The following RASGRF1 variants were observed in gnomAD, a reference collection of about 807,000 sequenced individuals.
RASGRF1 encodes the protein Ras protein specific guanine nucleotide releasing factor 1.
A neutral mutation model predicts 138.7 loss-of-function variants in RASGRF1; 40 were observed. The ratio of observed to expected loss-of-function variants is 0.29; its 90% CI spans 0.22 to 0.38. RASGRF1 has a LOEUF of 0.38. Ranked by LOEUF, RASGRF1 falls within the 10% of genes least tolerant of loss-of-function variation. The pLI is 1.00. For missense variants in RASGRF1, 1,108 were observed against 1,650.4 expected (o/e 0.67, Z 5.69); for synonymous variants, 614 against 663.2 (o/e 0.93, Z 1.14).
intron 26 of RASGRF1, among the ~76,000 whole-genome samples, chr15:78,964,196 G>T (rs1712179876): frequency 6.6e-6 from 1 of 151,492 alleles, no homozygotes; most frequent in Non-Finnish European, 1.5e-5. Context: ...TTTTTTGAGG[G>T]GGAATTTCAT....
intron 2 of RASGRF1, among the ~76,000 whole-genome samples, chr15:79,059,127 T>A (rs2057550742): frequency 6.6e-6 from 1 of 150,660 alleles, no homozygotes; most frequent in Admixed American, 6.6e-5. Context: ...TTTCCTTTCC[T>A]CTCCTTCCTC....
intron 26 of RASGRF1, among the ~76,000 whole-genome samples, chr15:78,968,569 C>T (rs1304215594): frequency 6.6e-6 from 1 of 151,956 alleles, no homozygotes; most frequent in Non-Finnish European, 1.5e-5. Context: ...CAGGCATGAG[C>T]CACTACTCCC....
At chr15:78,972,534 C>T (rs2055784669) in intron 25 of RASGRF1, among the ~76,000 whole-genome samples, 1 of 151,850 alleles carries the variant, frequency 6.6e-6, no homozygotes, top group South Asian at 2.1e-4. Flanking sequence ...CCTAACATCA[C>T]TAGAACAAAA....
chr15:79,024,060 CAT>C (rs2057008604), intron 10 of RASGRF1, among the ~76,000 whole-genome samples: 2 of 150,884 alleles, frequency 1.3e-5, no homozygotes, highest in African/African-American at 2.4e-5. Context: ...CACACATACA[CAT>C]ACACACACAT....
At chr15:79,085,629 A>G (rs1381217902) in intron 1 of RASGRF1, among the ~76,000 whole-genome samples, 1 of 152,148 alleles carries the variant, frequency 6.6e-6, no homozygotes, top group African/African-American at 2.4e-5. Flanking sequence ...AATAGCTACA[A>G]TAAGTCTCAG....
chr15:79,065,976 G>C (rs1350004739), intron 1 of RASGRF1, among the ~76,000 whole-genome samples: 1 of 151,958 alleles, frequency 6.6e-6, no homozygotes, highest in Non-Finnish European at 1.5e-5. Context: ...AGTTGTTACA[G>C]AGTCAATGTC....
chr15:79,025,623 T>C (rs2057035974), intron 9 of RASGRF1, 149 bp from the exon 10 acceptor site: 1 of 944,090 alleles, frequency 1.1e-6, no homozygotes, highest in Non-Finnish European at 1.5e-6. Flanking sequence ...GATACTCCTT[T>C]AGGCCTCTCT....
chr15:78,986,978 T>C (rs1427560147), intron 22 of RASGRF1, among the ~76,000 whole-genome samples: 1 of 152,214 alleles, frequency 6.6e-6, no homozygotes, highest in Non-Finnish European at 1.5e-5. Context: ...AAAGTTATAC[T>C]AATTTTTGAA....
At chr15:79,059,991 G>GACAC (rs941037876) in intron 2 of RASGRF1, among the ~76,000 whole-genome samples, 220 of 31,560 alleles carry the variant, frequency 7.0e-3, no homozygotes, top group South Asian at 0.046. Context: ...CAGACACACA[G>GACAC]ACACACACAC....
At chr15:79,047,257 G>T (rs189701512) in intron 4 of RASGRF1, among the ~76,000 whole-genome samples, 445 of 150,500 alleles carry the variant, frequency 3.0e-3, no homozygotes, top group African/African-American at 0.01. Context: ...CTGAAAGTGT[G>T]GTCCACAAAT....
At chr15:79,056,784 T>C (rs2141045351) in intron 3 of RASGRF1, among the ~76,000 whole-genome samples, 1 of 152,354 alleles carries the variant, frequency 6.6e-6, no homozygotes. Context: ...TTGTTGGCTT[T>C]AGATCTTTGA....
chr15:78,977,326 C>T (rs969964450), intron 24 of RASGRF1, among the ~76,000 whole-genome samples: 2 of 152,098 alleles, frequency 1.3e-5, no homozygotes, highest in African/African-American at 4.8e-5. Context: ...TCAGGGAGGG[C>T]ATGAGGGCCC....
At chr15:79,002,014 C>T (rs1429404496) in intron 15 of RASGRF1, among the ~76,000 whole-genome samples, 6 of 152,186 alleles carry the variant, frequency 3.9e-5, no homozygotes, top group African/African-American at 1.4e-4. Flanking sequence ...TCCACCAGGG[C>T]TTCTCAAACC....
intron 13 of RASGRF1, 94 bp downstream of exon 13, chr15:79,015,233 C>G: frequency 8.0e-7 from 1 of 1,256,392 alleles, no homozygotes; most frequent in South Asian, 1.3e-5. Context: ...TCTCTGAACC[C>G]CAGTAGCTGG....
intron 23 of RASGRF1, among the ~76,000 whole-genome samples, chr15:78,983,666 C>A (rs2056084759): frequency 6.6e-6 from 1 of 152,230 alleles, no homozygotes; most frequent in Non-Finnish European, 1.5e-5. Context: ...TGAACCTTGA[C>A]AAGCCAAACG....
intron 23 of RASGRF1, chr15:78,984,786 A>T (rs2056111819): frequency 1.7e-6 from 1 of 579,854 alleles, no homozygotes; most frequent in Admixed American, 3.0e-5. Flanking sequence ...GGTATTAATT[A>T]CTCAAGTGGG....
Position 78,991,551 on chromosome 15 carries a change from T to A in RASGRF1, c.3131+140A>T, listed in dbSNP as rs2141659868. On this transcript the variant is annotated intron_variant, in intron 21 of 26. Transcript: ENST00000558480. ...AACGGGAACAGGCTTCTCTCCCTCA[T>A]TCTGCTGACCCAGGCACTATTGTTT... The A allele has an allele frequency of 4.6e-6, 3 of 646,282 alleles. No individual in the cohort carries two copies. The East Asian group carries it at 8.3e-5, about 18-fold the overall frequency. The allele number at this position is 646,282 out of a possible 1,614,324, so 40.0% of individuals were successfully genotyped here.
chr15:79,090,182 G>A (rs770907141), intron 1 of RASGRF1, 41 bp downstream of exon 1: 20 of 1,545,146 alleles, frequency 1.3e-5, no homozygotes, highest in Non-Finnish European at 1.7e-5. Flanking sequence ...CCAGGGCCGC[G>A]GCCGGGACGC....
chr15:78,976,365 A>G (rs951832850), intron 24 of RASGRF1, among the ~76,000 whole-genome samples: 3 of 152,186 alleles, frequency 2.0e-5, no homozygotes, highest in African/African-American at 7.2e-5. Context: ...AAAATACACT[A>G]ACACACTAAC....
Sources: gnomAD v4.1 joint callset for allele counts (sites outside exome capture counted in the v4.1 genomes callset) on GRCh38, gnomAD v4.1.1 for gene constraint, MANE v1.5 for transcripts, NCBI Gene and HGNC (gene_info 2026-07-23, HGNC 2026-07-21) for gene names.